PRKN: variants seen among roughly 807,000 people sequenced by gnomAD.
PRKN encodes the protein E3 ubiquitin-protein ligase parkin.
PRKN carries 56 observed loss-of-function variants against 59.5 expected under a neutral mutation model. The ratio of observed to expected loss-of-function variants is 0.94; its 90% CI spans 0.76 to 1.18. The LOEUF is 1.18. PRKN is among the 50% of genes most tolerant of loss of function. PRKN has a pLI of 0.00. For synonymous variants in PRKN, 250 were observed against 222.1 expected, an observed-to-expected ratio of 1.13 and a Z score of -1.12; for missense variants, 657 against 596.4, an observed-to-expected ratio of 1.10 and a Z score of -1.06.
intron 6 of PRKN, among the ~76,000 whole-genome samples, chr6:161,807,585 T>A (rs1160974584): frequency 6.6e-6 from 1 of 152,196 alleles, no homozygotes; most frequent in Non-Finnish European, 1.5e-5. Flanking sequence ...GAGCCTTTCT[T>A]GCCTCTTCCT....
chr6:161,626,656 G>A (rs375238606), intron 7 of PRKN, among the ~76,000 whole-genome samples: 10 of 152,148 alleles, frequency 6.6e-5, no homozygotes, highest in African/African-American at 1.7e-4. Flanking sequence ...GGTCAGACCC[G>A]CAGACCCTGG....
chr6:162,022,888 T>C (rs1783263521), intron 5 of PRKN, among the ~76,000 whole-genome samples: 1 of 152,180 alleles, frequency 6.6e-6, no homozygotes. Flanking sequence ...CTAGCCAGTT[T>C]CCCAGCACCA....
chr6:162,508,500 T>C (rs1793702564), intron 1 of PRKN, among the ~76,000 whole-genome samples: 1 of 152,166 alleles, frequency 6.6e-6, no homozygotes, highest in African/African-American at 2.4e-5. Flanking sequence ...TTAGAGTCAA[T>C]TTGTTTTCTG....
At chr6:162,268,018 A>C (rs992497995) in intron 2 of PRKN, among the ~76,000 whole-genome samples, 4 of 152,214 alleles carry the variant, frequency 2.6e-5, no homozygotes, top group African/African-American at 9.7e-5. Context: ...AATTGTTAAC[A>C]ATACCACATT....
At chr6:162,385,833 C>T (rs1408408317) in intron 2 of PRKN, among the ~76,000 whole-genome samples, 1 of 151,790 alleles carries the variant, frequency 6.6e-6, no homozygotes, top group African/African-American at 2.4e-5. Flanking sequence ...TTTTAAAAAC[C>T]AACTTGAATG....
chr6:161,630,816 G>A (rs1783275843), intron 7 of PRKN, among the ~76,000 whole-genome samples: 1 of 152,160 alleles, frequency 6.6e-6, no homozygotes, highest in Admixed American at 6.5e-5. Flanking sequence ...CCAGCAAAGG[G>A]CTTGTAAAAG....
chr6:162,639,821 G>A (rs893531679), intron 1 of PRKN, among the ~76,000 whole-genome samples: 1 of 152,110 alleles, frequency 6.6e-6, no homozygotes, highest in Admixed American at 6.6e-5. Flanking sequence ...GGCAACAAGA[G>A]TCCTAATCAA....
Position 161,467,353 on chromosome 6 carries a change from C to T in PRKN, c.1084-80476G>A, listed in dbSNP as rs1021299028. On this transcript the variant is annotated intron_variant, in intron 9 of 11. Transcript: ENST00000366898. The surrounding 1 kb of genome is among the most constrained non-coding windows in gnomAD (Gnocchi z 4.3). ...GATATAGACACATATAATACGAACA[C>T]GATTCTAGCCCTATGGAGTATATAC... Among the ~76,000 whole-genome samples the T allele has an allele frequency of 1.2e-4, 19 of 152,118 alleles. No individual in the cohort carries two copies. Among genetic ancestry groups the T allele is most frequent in the South Asian group, 4.1e-4 (2 of 4,820 alleles).
At chr6:162,478,669 A>C (rs1357346518) in intron 1 of PRKN, among the ~76,000 whole-genome samples, 1 of 152,182 alleles carries the variant, frequency 6.6e-6, no homozygotes, top group Admixed American at 6.5e-5. Context: ...TTTTGGGAAC[A>C]CCACGGAAGG....
At chr6:161,679,128 C>T (rs1456926946) in intron 7 of PRKN, among the ~76,000 whole-genome samples, 1 of 152,176 alleles carries the variant, frequency 6.6e-6, no homozygotes, top group African/African-American at 2.4e-5. Context: ...AGCAGTCACC[C>T]TTCACTCAAC....
intron 1 of PRKN, among the ~76,000 whole-genome samples, chr6:162,671,715 A>G (rs1186942492): frequency 6.6e-6 from 1 of 152,042 alleles, no homozygotes; most frequent in African/African-American, 2.4e-5. Context: ...AATACGAAAA[A>G]TATACATACA....
intron 6 of PRKN, among the ~76,000 whole-genome samples, chr6:161,840,834 C>T (rs1456382111): frequency 1.3e-5 from 2 of 152,024 alleles, no homozygotes; most frequent in Non-Finnish European, 2.9e-5. Context: ...ATACGTACCA[C>T]ATTTTAGAAA....
At chr6:162,023,674 C>T (rs1373903980) in intron 5 of PRKN, among the ~76,000 whole-genome samples, 1 of 151,986 alleles carries the variant, frequency 6.6e-6, no homozygotes, top group Non-Finnish European at 1.5e-5. Context: ...TTTAGAGACC[C>T]AGGATGGGGG....
At chr6:162,236,849 G>A (rs1237429203) in intron 3 of PRKN, among the ~76,000 whole-genome samples, 2 of 150,038 alleles carry the variant, frequency 1.3e-5, no homozygotes, top group Non-Finnish European at 3.0e-5. Flanking sequence ...AGAAAGGAGA[G>A]GAAGGAAGGA....
chr6:161,496,814 A>C lies in PRKN; in HGVS notation c.1083+52040T>G, dbSNP rs188434226. Among the ~76,000 whole-genome samples, 389 of 152,288 alleles carry C rather than the reference A, an allele frequency of 2.6e-3. 2 individuals are homozygous for C. Among genetic ancestry groups the C allele is most frequent in the South Asian group, 7.9e-3 (38 of 4,824 alleles). Reference sequence around the variant, plus strand: ...ACAGCAAGAAGGTGGCCATGAGATGATGGGAGCAGAGACTGGAGTGACACA... The same window carrying C: ...ACAGCAAGAAGGTGGCCATGAGATGCTGGGAGCAGAGACTGGAGTGACACA... On this transcript the variant is annotated intron_variant, in intron 9 of 11. Coordinates refer to ENST00000366898, the MANE Select transcript of PRKN (RefSeq NM_004562.3).
chr6:161,997,402 A>G (rs191418855), intron 5 of PRKN, among the ~76,000 whole-genome samples: 140 of 152,214 alleles, frequency 9.2e-4, no homozygotes, highest in African/African-American at 3.1e-3. Context: ...GCCATTCCAC[A>G]TAACTGGACA....
intron 1 of PRKN, among the ~76,000 whole-genome samples, chr6:162,672,985 A>G (rs1779391738): frequency 6.6e-6 from 1 of 152,226 alleles, no homozygotes; most frequent in Non-Finnish European, 1.5e-5. Context: ...GGAATGTTCA[A>G]TGAAATATTG....
At chr6:162,460,933 A>C (rs938051565) in intron 1 of PRKN, among the ~76,000 whole-genome samples, 2 of 152,188 alleles carry the variant, frequency 1.3e-5, no homozygotes, top group Admixed American at 1.3e-4. Flanking sequence ...CAAATTACTC[A>C]CACTGTTCTA....
chr6:161,990,885 C>T (rs1781620407), intron 5 of PRKN, among the ~76,000 whole-genome samples: 2 of 152,090 alleles, frequency 1.3e-5, no homozygotes, highest in South Asian at 4.2e-4. Flanking sequence ...ACTTAGACAT[C>T]CAGATACAAA....
Sources: gnomAD v4.1 joint callset for allele counts (sites outside exome capture counted in the v4.1 genomes callset) on GRCh38, gnomAD v4.1.1 for gene constraint, Gnocchi (gnomAD v3.1) non-coding constraint, MANE v1.5 for transcripts, NCBI Gene and HGNC (gene_info 2026-07-23, HGNC 2026-07-21) for gene names.